UBE4A: variants seen among roughly 807,000 people sequenced by gnomAD.
UBE4A encodes ubiquitination factor E4A.
A neutral mutation model predicts 117.9 loss-of-function variants in UBE4A; 48 were observed. The observed-to-expected ratio is 0.41, with a 90% confidence interval of 0.32 to 0.52. UBE4A has a LOEUF of 0.52. UBE4A is among the 20% of genes least tolerant of loss of function. The pLI, the probability that UBE4A is intolerant of heterozygous loss-of-function variation, is 0.33. For synonymous variants in UBE4A, 407 were observed against 450.0 expected (o/e 0.90, Z 1.21); for missense variants, 1,067 against 1,296.3 (o/e 0.82, Z 2.72).
chr11:118,390,491 T>A (rs1274520092), intron 17 of UBE4A, among the ~76,000 whole-genome samples, 166 bp from the exon 18 acceptor site: 1 of 101,718 alleles, frequency 9.8e-6, no homozygotes, highest in Non-Finnish European at 2.0e-5. Flanking sequence ...AATAATAAAA[T>A]AATATTTATA....
chr11:118,392,400 T>A (rs1395913802), intron 18 of UBE4A, among the ~76,000 whole-genome samples: 1 of 152,240 alleles, frequency 6.6e-6, no homozygotes, highest in Admixed American at 6.5e-5. Context: ...CCCTTCTCCA[T>A]CCACTTTTGA....
Position 118,376,631 on chromosome 11 carries a change from A to G in UBE4A, c.1508A>G (p.Asn503Ser), listed in dbSNP as rs530892308. 8.7e-6 allele frequency: 14 copies of G among 1,614,020 alleles called. No homozygotes were observed. Among genetic ancestry groups the G allele is most frequent in the Non-Finnish European group, 1.0e-5 (12 of 1,180,032 alleles). ...PAVQEPKFPQ[N>S]YNLVTENLAL... Reference sequence around the variant, plus strand: ...GTGCAGGAGCCGAAGTTTCCACAGAACTACAACCTTGTAACAGAGAACCTT... The same window carrying G: ...GTGCAGGAGCCGAAGTTTCCACAGAGCTACAACCTTGTAACAGAGAACCTT... Residue 503 changes from asparagine to serine, a missense_variant, in exon 10 of 20, where the codon AAC (asparagine) becomes AGC (serine). Asn to Ser is a conservative substitution (Grantham distance 46, BLOSUM62 1). Transcript: ENST00000252108.
chr11:118,371,761 A>T, intron 5 of UBE4A, 95 bp downstream of exon 5: 4 of 1,336,804 alleles, frequency 3.0e-6, no homozygotes. Context: ...TTCAATTTAT[A>T]TATGTCATAG....
chr11:118,363,606 CTTTTTTT>C (rs199847839), intron 1 of UBE4A, among the ~76,000 whole-genome samples: 19 of 122,860 alleles, frequency 1.5e-4, no homozygotes, highest in African/African-American at 5.2e-4. Context: ...ACCACATTAG[CTTTTTTT>C]TTTTTTTTTT....
intron 3 of UBE4A, 23 bp from the exon 4 acceptor site, chr11:118,369,400 A>G (rs376744120): frequency 7.0e-6 from 11 of 1,563,616 alleles, no homozygotes; most frequent in South Asian, 3.3e-5. Flanking sequence ...TCCTTAACCT[A>G]TCATATTAAA....
chr11:118,361,613 A>G (rs1464783553), intron 1 of UBE4A, among the ~76,000 whole-genome samples: 3 of 152,236 alleles, frequency 2.0e-5, no homozygotes, highest in Non-Finnish European at 4.4e-5. Context: ...TTAGTGAAAG[A>G]TAGGTGAGAA....
At chr11:118,373,381 A>G (rs774276654) in intron 7 of UBE4A, 93 bp downstream of exon 7, 1 of 1,529,576 alleles carries the variant, frequency 6.5e-7, no homozygotes, top group Non-Finnish European at 8.8e-7. Context: ...TACCTATAAA[A>G]TAAGAAAAAG....
chr11:118,377,929 A>T (rs980700368), intron 10 of UBE4A, among the ~76,000 whole-genome samples: 264 of 137,816 alleles, frequency 1.9e-3, no homozygotes, highest in African/African-American at 6.7e-3. Flanking sequence ...AAAAAAAAAA[A>T]TTTCATTACT....
At chr11:118,367,299 G>A (rs1169022885) in intron 2 of UBE4A, among the ~76,000 whole-genome samples, 1 of 148,866 alleles carries the variant, frequency 6.7e-6, no homozygotes, top group Non-Finnish European at 1.5e-5. Context: ...TAACAAGAAA[G>A]AATAAAAAGG....
At chr11:118,393,322 C>G (rs1368758055) in intron 19 of UBE4A, among the ~76,000 whole-genome samples, 3 of 152,112 alleles carry the variant, frequency 2.0e-5, no homozygotes, top group African/African-American at 7.2e-5. Flanking sequence ...GAGGCTGAGG[C>G]AGAAGAATTG....
In UBE4A at chr11:118,389,864, G is replaced by A. The variant is rs782671353; in HGVS notation, c.2727G>A (p.Gln909=). 4 of 1,613,146 alleles carry A rather than the reference G, an allele frequency of 2.5e-6. No homozygotes were observed. In the South Asian group the frequency reaches 3.3e-5, roughly 13 times the overall value. ...KDFSEFDFKP[Q]QLVSDICTIY... Reference sequence around the variant, plus strand: ...TCAGCGAATTTGACTTCAAACCCCAGCAGCTTGTATCAGATATCTGCACTA... The same window carrying A: ...TCAGCGAATTTGACTTCAAACCCCAACAGCTTGTATCAGATATCTGCACTA... The change falls in exon 17 of 20, where the codon CAG becomes CAA. Residue 909 remains glutamine (Q), a synonymous_variant. Coordinates refer to ENST00000252108, the MANE Select transcript of UBE4A (RefSeq NM_001204077.2).
At chr11:118,364,757 A>G (rs1404144247) in intron 1 of UBE4A, among the ~76,000 whole-genome samples, 1 of 151,606 alleles carries the variant, frequency 6.6e-6, no homozygotes, top group Non-Finnish European at 1.5e-5. Context: ...GTTTTCTTAA[A>G]GGTATTGCAA....
rs75454745 is a variant in UBE4A at position 118,385,543 on chromosome 11, C to T, written c.2412+598C>T. 3.2e-3 allele frequency among the ~76,000 whole-genome samples: 487 copies of T among 152,310 alleles called. 3 individuals carry two copies. The highest frequency in any genetic ancestry group is 0.011 in the African/African-American group (463 of 41,566). On this transcript the variant is annotated intron_variant, in intron 15 of 19. Coordinates refer to ENST00000252108, the MANE Select transcript of UBE4A (RefSeq NM_001204077.2). ...TAAAATGCAGCTGGGTGCCTCTCAG[C>T]TCCTTCAGTGTATTATTTCCTTAAC...
chr11:118,371,943 T>C (rs1370710900), intron 5 of UBE4A, among the ~76,000 whole-genome samples: 2 of 152,104 alleles, frequency 1.3e-5, no homozygotes, highest in Admixed American at 1.3e-4. Flanking sequence ...CTCTAAAACC[T>C]CTTTAGAAAT....
At position 118,397,642 on chromosome 11, in the gene UBE4A, G is replaced by C. The variant is rs536213890; in HGVS notation, c.*1202G>C. 2.6e-5 allele frequency: 4 copies of C among 152,288 alleles called. No homozygotes were observed. Among genetic ancestry groups the C allele is most frequent in the Non-Finnish European group, 4.4e-5 (3 of 68,008 alleles). The allele number at this position is 152,288 out of a possible 1,614,324, so 9.4% of individuals were successfully genotyped here. On this transcript the variant is annotated 3_prime_UTR_variant, in exon 20 of 20. Transcript: ENST00000252108. Reference sequence around the variant, plus strand: ...ACTCAATTGTGCAGCTTAATATGCTGACTAGGGACATTCCCCTATGGATTA... The same window carrying C: ...ACTCAATTGTGCAGCTTAATATGCTCACTAGGGACATTCCCCTATGGATTA...
At chr11:118,385,618 A>G (rs1246173089) in intron 15 of UBE4A, among the ~76,000 whole-genome samples, 1 of 152,186 alleles carries the variant, frequency 6.6e-6, no homozygotes, top group Non-Finnish European at 1.5e-5. Context: ...GGCTGTCTGT[A>G]GAGCAAAACT....
intron 2 of UBE4A, among the ~76,000 whole-genome samples, chr11:118,368,092 G>A (rs1271282557): frequency 6.6e-6 from 1 of 152,064 alleles, no homozygotes; most frequent in East Asian, 1.9e-4. Flanking sequence ...TAAAAGGCAA[G>A]CTGAAAAGAG....
intron 11 of UBE4A, 121 bp from the exon 12 acceptor site, chr11:118,381,270 C>T: frequency 1.6e-6 from 2 of 1,261,822 alleles, no homozygotes; most frequent in East Asian, 2.4e-5. Context: ...TCTCTAGTAC[C>T]AACAAAACAT....
At chr11:118,376,549 CTTT>C in intron 9 of UBE4A, 22 bp from the exon 10 acceptor site, 4 of 1,374,734 alleles carry the variant, frequency 2.9e-6, no homozygotes, top group East Asian at 2.6e-5. Flanking sequence ...CATTTACCCT[CTTT>C]TTTTTTTTTA....
Sources: gnomAD v4.1 joint callset for allele counts (sites outside exome capture counted in the v4.1 genomes callset) on GRCh38, gnomAD v4.1.1 for gene constraint, MANE v1.5 for transcripts, NCBI Gene and HGNC (gene_info 2026-07-23, HGNC 2026-07-21) for gene names.